BOC: variants seen among roughly 807,000 people sequenced by gnomAD.
BOC encodes the protein brother of CDO.
A neutral mutation model predicts 112.0 loss-of-function variants in BOC; 76 were observed. The ratio of observed to expected loss-of-function variants is 0.68; its 90% CI spans 0.56 to 0.82. The LOEUF is 0.82. Among genes scored for constraint, BOC ranks in the 40% least tolerant of loss-of-function variants. The pLI, the probability that BOC is intolerant of heterozygous loss-of-function variation, is 0.00. For synonymous variants in BOC, 580 were observed against 599.8 expected, an observed-to-expected ratio of 0.97 and a Z score of 0.48; for missense variants, 1,309 against 1,511.7, an observed-to-expected ratio of 0.87 and a Z score of 2.22.
intron 2 of BOC, among the ~76,000 whole-genome samples, chr3:113,228,668 A>T (rs1942083071): frequency 6.6e-6 from 1 of 152,146 alleles, no homozygotes; most frequent in Non-Finnish European, 1.5e-5. Context: ...AGTGGGGTCC[A>T]CTTCCTGTCT....
chr3:113,273,487 C>A, intron 8 of BOC, 146 bp downstream of exon 8: 1 of 921,262 alleles, frequency 1.1e-6, no homozygotes, highest in Non-Finnish European at 1.5e-6. Context: ...CTTAATAAAT[C>A]TGAAGTACAG....
chr3:113,258,843 G>A (rs1455244129), intron 4 of BOC, among the ~76,000 whole-genome samples: 1 of 150,306 alleles, frequency 6.7e-6, no homozygotes, highest in Non-Finnish European at 1.5e-5. Context: ...TGACACTTGG[G>A]CAAGAAAATT....
At chr3:113,251,765 C>T (rs1945671016) in intron 4 of BOC, 1 of 152,136 alleles carries the variant, frequency 6.6e-6, no homozygotes, top group African/African-American at 2.4e-5. Flanking sequence ...GACGGATGGT[C>T]CTAATAACCG....
chr3:113,219,682 C>T (rs1025963079), intron 2 of BOC, among the ~76,000 whole-genome samples: 1 of 152,180 alleles, frequency 6.6e-6, no homozygotes, highest in African/African-American at 2.4e-5. Context: ...CTTTATAAGA[C>T]TTGCTGTTAA....
intron 5 of BOC, 135 bp downstream of exon 5, chr3:113,268,580 T>C (rs1947774173): frequency 1.3e-6 from 1 of 786,072 alleles, no homozygotes. Context: ...AGCAGCCCTG[T>C]CCTCATGCTA....
intron 2 of BOC, among the ~76,000 whole-genome samples, chr3:113,223,795 C>A (rs746103427): frequency 6.6e-6 from 1 of 152,232 alleles, no homozygotes; most frequent in African/African-American, 2.4e-5. Flanking sequence ...ATACACACTT[C>A]CAGCTGGGGA....
intron 7 of BOC, 21 bp from the exon 8 acceptor site, chr3:113,273,048 C>G (rs761109141): frequency 2.7e-5 from 43 of 1,584,296 alleles, no homozygotes; most frequent in Admixed American, 2.0e-4. Flanking sequence ...CCCTTCTCAC[C>G]CTGCTCTGGT....
At chr3:113,271,213 C>T (rs890059651) in intron 6 of BOC, 12 of 628,788 alleles carry the variant, frequency 1.9e-5, no homozygotes, top group East Asian at 6.6e-5. Context: ...GGTTACTTTG[C>T]GATTGGGATG....
At position 113,279,888 on chromosome 3, in the gene BOC, C is replaced by T. The variant is rs878952788; in HGVS notation, c.2088C>T (p.Pro696=). The T allele has an allele frequency of 2.5e-6, 4 of 1,613,970 alleles. No individual in the cohort carries two copies. Among genetic ancestry groups the T allele is most frequent in the Non-Finnish European group, 3.4e-6 (4 of 1,179,942 alleles). ...TGGGGGAGAGCGAGCCCAGCGCCCC[C>T]TCTCGGCCCTACGTGGTGTCGGGCT... is the stretch of plus-strand genomic sequence containing the variant. ...NMLGESEPSA[P]SRPYVVSGYS... is the part of the protein sequence containing the mutation. Residue 696 remains proline (P), a synonymous_variant, in exon 13 of 20, where the codon CCC becomes CCT. Coordinates refer to ENST00000682979, the MANE Select transcript of BOC (RefSeq NM_001378074.1).
At chr3:113,276,819 G>T (rs936273389) in intron 9 of BOC, among the ~76,000 whole-genome samples, 3 of 152,160 alleles carry the variant, frequency 2.0e-5, no homozygotes, top group Non-Finnish European at 4.4e-5. Flanking sequence ...GACCATTCCT[G>T]TGCCTTGAAT....
intron 5 of BOC, chr3:113,270,548 A>T (rs1244628140): frequency 6.5e-6 from 3 of 462,268 alleles, no homozygotes; most frequent in Non-Finnish European, 1.2e-5. Flanking sequence ...AAGTTGTGGC[A>T]GTTAGTCAGT....
At position 113,284,378 on chromosome 3, in the gene BOC, C is replaced by T. The variant is rs1949477431; in HGVS notation, c.2700C>T (p.Pro900=). 1.9e-6 allele frequency: 3 copies of T among 1,614,236 alleles called. No homozygotes were observed. In the East Asian group the frequency reaches 6.7e-5, roughly 36 times the overall value. The part of the protein sequence containing the change: ...DLGFPRSALP[P]SCPYTMVPLG... Reference sequence around the variant, plus strand: ...GTTTTCCTCGAAGTGCCCTTCCACCCTCCTGCCCGTATACTATGGTGCCAT... The same window carrying T: ...GTTTTCCTCGAAGTGCCCTTCCACCTTCCTGCCCGTATACTATGGTGCCAT... The change falls in exon 17 of 20, where the codon CCC becomes CCT. Residue 900 remains proline, a synonymous_variant. Transcript: ENST00000682979.
chr3:113,227,662 G>A (rs1357662589), intron 2 of BOC, among the ~76,000 whole-genome samples: 2 of 152,114 alleles, frequency 1.3e-5, no homozygotes, highest in African/African-American at 4.8e-5. Flanking sequence ...GTGAGTGGGG[G>A]TTTCTGCACC....
chr3:113,277,382 G>A (rs930071276), intron 9 of BOC, among the ~76,000 whole-genome samples: 5 of 152,212 alleles, frequency 3.3e-5, no homozygotes, highest in Non-Finnish European at 7.3e-5. Flanking sequence ...TTACACAACC[G>A]GGATTTGAAC....
chr3:113,281,260 T>C, intron 15 of BOC, 107 bp downstream of exon 15: 1 of 1,339,552 alleles, frequency 7.5e-7, no homozygotes, highest in Non-Finnish European at 1.0e-6. Flanking sequence ...CCAGGAAGAC[T>C]CTTTGTTTTC....
chr3:113,238,778 A>T (rs1943903608), intron 2 of BOC, among the ~76,000 whole-genome samples: 1 of 152,246 alleles, frequency 6.6e-6, no homozygotes, highest in African/African-American at 2.4e-5. Context: ...TTGACCATAC[A>T]CACACCTTAC....
In BOC at chr3:113,278,017, G is replaced by A. The variant is rs562654413; in HGVS notation, c.1543-78G>A. 30 of 1,549,122 alleles carry A rather than the reference G, an allele frequency of 1.9e-5. 1 individual carries two copies. The highest frequency in any genetic ancestry group is 8.1e-5 in the African/African-American group (6 of 73,920). ...CTTCTCCTGCCCTCTTGGGCTCAGCGCTGCTTTCTTTGTAAACCATAGCCC... is the reference window on the plus strand; with the variant it reads ...CTTCTCCTGCCCTCTTGGGCTCAGCACTGCTTTCTTTGTAAACCATAGCCC... On this transcript the variant is annotated intron_variant, in intron 9 of 19. Transcript: ENST00000682979. This position sits in a 1 kb window ranked among gnomAD's most constrained non-coding sequence, Gnocchi z 4.2.
chr3:113,280,986 C>T (rs1949141350), intron 14 of BOC, 45 bp from the exon 15 acceptor site: 2 of 1,608,554 alleles, frequency 1.2e-6, no homozygotes, highest in East Asian at 4.5e-5. Flanking sequence ...ATCAAGAAAA[C>T]CATATACACA....
chr3:113,221,430 C>T (rs986448218), intron 2 of BOC, among the ~76,000 whole-genome samples: 6 of 152,186 alleles, frequency 3.9e-5, no homozygotes, highest in African/African-American at 1.4e-4. Context: ...CGATGCCAGT[C>T]CTTGGTCCTG....
Sources: allele counts gnomAD v4.1 joint callset (sites outside exome capture counted in the v4.1 genomes callset), GRCh38; gene constraint gnomAD v4.1.1; non-coding constraint Gnocchi (gnomAD v3.1); transcripts MANE v1.5; gene names NCBI Gene and HGNC (gene_info 2026-07-23, HGNC 2026-07-21).